Variants in C13orf42 observed in about 807,000 individuals in gnomAD.
C13orf42 encodes uncharacterized protein C13orf42.
At chr13:51,147,937 C>G (rs541616011) in intron 1 of C13orf42, among the ~76,000 whole-genome samples, 1 of 148,970 alleles carries the variant, frequency 6.7e-6, no homozygotes, top group Non-Finnish European at 1.5e-5. Flanking sequence ...TGAGAAGCCC[C>G]GGATTAGGGG....
rs1490350288 is a variant in C13orf42 at position 51,151,930 on chromosome 13, G to C, written n.136+20323C>G. Among the ~76,000 whole-genome samples the C allele has an allele frequency of 2.0e-5, 3 of 152,262 alleles. No individual in the cohort carries two copies. The East Asian group carries it at 5.8e-4, about 29-fold the overall frequency. ...ATTGTCCAGGCTGGTCTAGACCCTT[G>C]ATCCTCAAAGTATGGTCCAGGAGTC... On this transcript the variant is annotated intron_variant and non_coding_transcript_variant, in intron 1 of 4. Coordinates refer to the C13orf42 transcript ENST00000433280.
chr13:51,094,323 T>C (rs924442645), intron 1 of C13orf42, among the ~76,000 whole-genome samples: 1 of 152,198 alleles, frequency 6.6e-6, no homozygotes, highest in Non-Finnish European at 1.5e-5. Context: ...GTGCAATAAA[T>C]GAGGAAATAC....
intron 1 of C13orf42, among the ~76,000 whole-genome samples, chr13:51,158,222 C>T (rs1290744558): frequency 2.0e-5 from 3 of 152,158 alleles, no homozygotes; most frequent in Non-Finnish European, 4.4e-5. Flanking sequence ...ATTCCAGAAC[C>T]TACAGTTCTC....
intron 1 of C13orf42, among the ~76,000 whole-genome samples, chr13:51,097,389 G>T (rs1369952834): frequency 6.6e-6 from 1 of 152,150 alleles, no homozygotes; most frequent in Non-Finnish European, 1.5e-5. Context: ...AGCTTCTATT[G>T]TCCTTTTATA....
At chr13:51,104,776 A>T (rs78326755) in intron 1 of C13orf42, among the ~76,000 whole-genome samples, 2 of 19,414 alleles carry the variant, frequency 1.0e-4, no homozygotes, top group African/African-American at 1.2e-3. Context: ...TATTATATTA[A>T]AAAAAAAAAA....
chr13:51,166,120 G>A (rs1013322935), intron 1 of C13orf42, among the ~76,000 whole-genome samples: 2 of 152,142 alleles, frequency 1.3e-5, no homozygotes, highest in Non-Finnish European at 2.9e-5. Context: ...TATCCAAAGG[G>A]AAAAATTAAT....
At chr13:51,103,675 C>T (rs56055043) in intron 1 of C13orf42, among the ~76,000 whole-genome samples, 5,265 of 150,576 alleles carry the variant, frequency 0.035, 88 homozygotes, top group Non-Finnish European at 0.045. Context: ...CATACCAGCG[C>T]GGGCCACAGT....
At chr13:51,128,918 T>C (rs554087623) in intron 1 of C13orf42, among the ~76,000 whole-genome samples, 2 of 152,236 alleles carry the variant, frequency 1.3e-5, no homozygotes, top group African/African-American at 4.8e-5. Context: ...CTAGGGACAA[T>C]AGAGGCTTCC....
At chr13:51,087,147 A>C (rs1953136730) in intron 2 of C13orf42, among the ~76,000 whole-genome samples, 1 of 152,206 alleles carries the variant, frequency 6.6e-6, no homozygotes, top group South Asian at 2.1e-4. Flanking sequence ...CAGTCGCATG[A>C]TGGAATGTAA....
At chr13:51,135,772 A>T (rs1953653403) in intron 1 of C13orf42, among the ~76,000 whole-genome samples, 1 of 151,108 alleles carries the variant, frequency 6.6e-6, no homozygotes. Context: ...TCCAAGAGGC[A>T]TCTGCCTTCA....
At position 51,085,550 on chromosome 13, in the gene C13orf42, C is replaced by T; in HGVS notation, c.572G>A (p.Ser191Asn). The stretch of plus-strand genomic sequence containing the variant: ...AGAATGCAAGCTGTGCTCCCTGGAG[C>T]TGGTGGCCACTAGAAGAGAAAAGCA... ...NEDVDFDVAT[S>N]SREHSLHSNW... The change falls in exon 3 of 4, where the codon AGC (serine) becomes AAC (asparagine). Residue 191 changes from serine (S) to asparagine (N), a missense_variant. Transcript: ENST00000563710. 1.5e-5 allele frequency: 6 copies of T among 398,892 alleles called. No homozygotes were observed. Among genetic ancestry groups the T allele is most frequent in the Non-Finnish European group, 2.7e-5 (6 of 226,322 alleles). 24.7% of individuals were successfully genotyped at this position (398,892 alleles called of 1,614,324 possible). A position where few individuals can be genotyped will look rare whatever the true frequency, so the allele number is the denominator to read the frequency against.
chr13:51,108,529 G>C (rs541720106), intron 1 of C13orf42, among the ~76,000 whole-genome samples: 1 of 152,324 alleles, frequency 6.6e-6, no homozygotes, highest in Admixed American at 6.5e-5. Flanking sequence ...AGCTGTTTCT[G>C]TCAGAGCCAT....
intron 1 of C13orf42, among the ~76,000 whole-genome samples, chr13:51,158,597 C>T (rs1169014406): frequency 1.3e-5 from 2 of 152,166 alleles, no homozygotes; most frequent in African/African-American, 4.8e-5. Context: ...TGTCTGTCAC[C>T]TTGCACTTTG....
intron 1 of C13orf42, among the ~76,000 whole-genome samples, chr13:51,152,633 A>G (rs1953788332): frequency 6.6e-6 from 1 of 152,090 alleles, no homozygotes; most frequent in Non-Finnish European, 1.5e-5. Context: ...AGAAAACACA[A>G]CTTCAGCTCT....
upstream of C13orf42, among the ~76,000 whole-genome samples, chr13:51,113,866 C>T (rs1953459827): frequency 6.6e-6 from 1 of 152,212 alleles, no homozygotes; most frequent in Non-Finnish European, 1.5e-5. Flanking sequence ...ATCCTCTCCC[C>T]CAGCCTAGCC....
At chr13:51,163,736 T>C (rs1004425195) in intron 1 of C13orf42, among the ~76,000 whole-genome samples, 1 of 152,150 alleles carries the variant, frequency 6.6e-6, no homozygotes, top group Non-Finnish European at 1.5e-5. Context: ...CTCCAAACTC[T>C]GAACTCACAT....
intron 2 of C13orf42, among the ~76,000 whole-genome samples, chr13:51,086,214 G>A (rs920063727): frequency 6.6e-6 from 1 of 151,956 alleles, no homozygotes; most frequent in African/African-American, 2.4e-5. Context: ...GGCTGAGGCA[G>A]GAGAATGGCG....
At position 51,083,820 on chromosome 13, in the gene C13orf42, A is replaced by C. The variant is rs185524369; in HGVS notation, c.*331T>G. 1.2e-3 allele frequency: 242 copies of C among 194,750 alleles called. 1 individual carries two copies. Among genetic ancestry groups the C allele is most frequent in the Admixed American group, 2.2e-3 (36 of 16,420 alleles). The allele number at this position is 194,750 out of a possible 1,614,324, so 12.1% of individuals were successfully genotyped here. A position where few individuals can be genotyped will look rare whatever the true frequency, so the allele number is the denominator to read the frequency against. ...AGCCACCTGGACAGACACGTGGAGA[A>C]TGAGGACCAGGCCAGGTGAGGTCAG... On this transcript the variant is annotated 3_prime_UTR_variant, in exon 4 of 4. Transcript: ENST00000563710.
At chr13:51,156,163 C>T (rs1953822941) in intron 1 of C13orf42, among the ~76,000 whole-genome samples, 1 of 152,120 alleles carries the variant, frequency 6.6e-6, no homozygotes, top group East Asian at 1.9e-4. Context: ...GGGCCTGCCA[C>T]GTGCCTAGGA....
Sources: allele counts gnomAD v4.1 joint callset (sites outside exome capture counted in the v4.1 genomes callset), GRCh38; gene constraint gnomAD v4.1.1; transcripts MANE v1.5; gene names NCBI Gene and HGNC (gene_info 2026-07-23, HGNC 2026-07-21).